RYR1: variants seen among roughly 807,000 people sequenced by gnomAD.
RYR1 encodes the protein central core disease of muscle.
A neutral mutation model predicts 583.5 loss-of-function variants in RYR1; 342 were observed. The ratio of observed to expected loss-of-function variants is 0.59; its 90% confidence interval spans 0.54 to 0.64. The LOEUF is 0.64. RYR1 is among the 30% of genes least tolerant of loss of function. The pLI, the probability that RYR1 is intolerant of heterozygous loss-of-function variation, is 0.00. For synonymous variants in RYR1, 2,791 were observed against 2,822.5 expected, an observed-to-expected ratio of 0.99 and a Z score of 0.35; for missense variants, 6,032 against 6,917.2, an observed-to-expected ratio of 0.87 and a Z score of 4.54.
At position 38,506,491 on chromosome 19, in the gene RYR1, A is replaced by G; in HGVS notation, c.8637A>G (p.Ala2879=). 1 of 1,614,112 alleles carries G rather than the reference A, an allele frequency of 6.2e-7. No homozygotes were observed. Among genetic ancestry groups the G allele is most frequent in the South Asian group, 1.1e-5 (1 of 91,082 alleles). ...RELQAMAEQL[A]ENYHNTWGRK... Reference sequence around the variant, plus strand: ...CCCAGGCCATGGCAGAACAACTGGCAGAAAATTACCACAACACGTGGGGAC... The same window carrying G: ...CCCAGGCCATGGCAGAACAACTGGCGGAAAATTACCACAACACGTGGGGAC... Residue 2879 remains alanine, a synonymous_variant, in exon 56 of 106, where the codon GCA becomes GCG. Coordinates refer to ENST00000359596, the MANE Select transcript of RYR1 (RefSeq NM_000540.3).
intron 7 of RYR1, 91 bp from the exon 8 acceptor site, chr19:38,446,381 G>C: frequency 1.0e-6 from 1 of 954,236 alleles, no homozygotes; most frequent in South Asian, 1.3e-5. Flanking sequence ...GGTTCCCCCA[G>C]GGGAGGAGCA....
At chr19:38,578,254 T>C in intron 99 of RYR1, 50 bp downstream of exon 99, 1 of 1,592,520 alleles carries the variant, frequency 6.3e-7, no homozygotes, top group Non-Finnish European at 8.6e-7. Flanking sequence ...GGTGGGGCGT[T>C]AGGAGGGTTC....
rs188176550 is a variant in RYR1 at position 38,517,471 on chromosome 19, G to A, written c.9798G>A (p.Met3266Ile). The part of the protein sequence containing the change: ...LAESGARYTE[M>I]PHVIEITLPM... ...AGTCAGGTGCCCGCTACACAGAGAT[G>A]CCGCATGTCATCGAGATCACGCTGC... is the stretch of plus-strand genomic sequence containing the variant. Residue 3266 changes from methionine (M) to isoleucine (I), a missense_variant, in exon 66 of 106, where the codon ATG (methionine) becomes ATA (isoleucine). By Grantham distance (10) the Met-to-Ile change is conservative. Around this residue, in one of 11 missense-constraint regions of RYR1, gnomAD observed 1,493 missense variants for 1,715.5 expected, o/e 0.87. Coordinates refer to ENST00000359596, the MANE Select transcript of RYR1 (RefSeq NM_000540.3). 2 of 1,614,116 alleles carry A rather than the reference G, an allele frequency of 1.2e-6. No homozygotes were observed. Among genetic ancestry groups the A allele is most frequent in the East Asian group, 4.5e-5 (2 of 44,880 alleles).
At chr19:38,471,878 G>A (rs2145476087) in intron 27 of RYR1, among the ~76,000 whole-genome samples, 1 of 148,240 alleles carries the variant, frequency 6.7e-6, no homozygotes, top group Admixed American at 6.7e-5. Flanking sequence ...CTCCAGCCTG[G>A]GTGACAGCGA....
intron 78 of RYR1, among the ~76,000 whole-genome samples, chr19:38,534,214 T>A (rs1050057491): frequency 6.6e-5 from 10 of 151,968 alleles, no homozygotes; most frequent in Non-Finnish European, 1.0e-4. Flanking sequence ...GGTTTCACTG[T>A]GTTAGCCAGG....
chr19:38,500,903 G>A lies in RYR1; in HGVS notation c.7527G>A (p.Val2509=), dbSNP rs2071088. 156,847 of 1,614,000 alleles carry A rather than the reference G, an allele frequency of 0.097. 8,841 individuals carry two copies. Among genetic ancestry groups the A allele is most frequent in the South Asian group, 0.22 (20,166 of 91,074 alleles). The change falls in exon 47 of 106, where the codon GTG becomes GTA. Residue 2509 remains valine (V), a synonymous_variant. Transcript: ENST00000359596. This position sits in a 1 kb window ranked among gnomAD's most constrained non-coding sequence, Gnocchi z 5.9. ...CCATGGTGCTCTTCCTGGACCGTGT[G>A]TATGGCATCGAGAACCAGGACTTCT... ...KASMVLFLDR[V]YGIENQDFLL...
intron 11 of RYR1, among the ~76,000 whole-genome samples, chr19:38,449,715 G>C (rs573471368): frequency 6.6e-6 from 1 of 152,316 alleles, no homozygotes; most frequent in East Asian, 1.9e-4. Flanking sequence ...TTTGGCAGCA[G>C]GAACAGCATG....
In RYR1 at chr19:38,587,558, C is replaced by G; in HGVS notation, c.*138C>G. On this transcript the variant is annotated 3_prime_UTR_variant, in exon 106 of 106. Transcript: ENST00000359596. ...TGGAAAATAAATCTGTGCTACGCCC[C>G]CCAGCATCACTGTGTTGGCCTGCTG... is the stretch of plus-strand genomic sequence containing the variant. 2.6e-6 allele frequency: 2 copies of G among 772,508 alleles called. No homozygotes were observed. Among genetic ancestry groups the G allele is most frequent in the East Asian group, 2.6e-5 (1 of 37,944 alleles). The allele number at this position is 772,508 out of a possible 1,614,324, so 47.9% of individuals were successfully genotyped here.
chr19:38,450,964 ACT>A (rs1967045435), intron 11 of RYR1, among the ~76,000 whole-genome samples: 1 of 151,932 alleles, frequency 6.6e-6, no homozygotes, highest in African/African-American at 2.4e-5. Flanking sequence ...TCTGCCGAGG[ACT>A]CTGTTGCCCT....
intron 28 of RYR1, among the ~76,000 whole-genome samples, chr19:38,475,047 G>A (rs1968644786): frequency 1.3e-5 from 2 of 152,184 alleles, no homozygotes; most frequent in East Asian, 3.9e-4. Context: ...TGTGGGAAAT[G>A]CTGACTTAGG....
chr19:38,434,687 G>A (rs898153369), intron 1 of RYR1, among the ~76,000 whole-genome samples: 1 of 152,158 alleles, frequency 6.6e-6, no homozygotes, highest in Non-Finnish European at 1.5e-5. Context: ...AGGGGATGGG[G>A]AGGGGATGAG....
chr19:38,506,172 G>A, intron 54 of RYR1, 131 bp from the exon 55 acceptor site: 2 of 1,067,902 alleles, frequency 1.9e-6, no homozygotes, highest in Non-Finnish European at 2.8e-6. Context: ...GGGCCTTAAG[G>A]AAAGGACAAG....
rs538252254 is a variant in RYR1, at chr19:38,586,660, T to C, written c.15021+84T>C. On this transcript the variant is annotated intron_variant, in intron 105 of 105. Transcript: ENST00000359596. ...CAGTCAGTAGGTGGCAGTAAAAAGC[T>C]CCTATCAATATCAAGGGTTAGGGCT... The C allele has an allele frequency of 2.3e-4, 301 of 1,319,346 alleles. 2 individuals are homozygous for C. The South Asian group carries it at 3.2e-3, about 14-fold the overall frequency. 81.7% of individuals were successfully genotyped at this position (1,319,346 alleles called of 1,614,324 possible). A position where few individuals can be genotyped will look rare whatever the true frequency, so the allele number is the denominator to read the frequency against.
At position 38,489,158 on chromosome 19, in the gene RYR1, C is replaced by A; in HGVS notation, c.5548-19C>A. On this transcript the variant is annotated intron_variant, in intron 34 of 105. Coordinates refer to ENST00000359596, the MANE Select transcript of RYR1 (RefSeq NM_000540.3). ...AGGCCTTGCAGGCCACAGTGAAGAA[C>A]CGAGACTTTGTCCTGTAGGTGATGG... The A allele has an allele frequency of 1.9e-6, 3 of 1,613,788 alleles. No individual in the cohort carries two copies. Among genetic ancestry groups the A allele is most frequent in the South Asian group, 1.1e-5 (1 of 91,072 alleles).
intron 71 of RYR1, among the ~76,000 whole-genome samples, chr19:38,526,194 G>T (rs2145715020): frequency 6.6e-6 from 1 of 152,012 alleles, no homozygotes; most frequent in Middle Eastern, 3.4e-3. Flanking sequence ...TCTTAAGCTT[G>T]CTGGGATATC....
At chr19:38,456,862 C>CAT (rs1400932906) in intron 16 of RYR1, among the ~76,000 whole-genome samples, 62 of 151,038 alleles carry the variant, frequency 4.1e-4, no homozygotes, top group Non-Finnish European at 6.6e-4. Flanking sequence ...CTGGCTAATG[C>CAT]GGTGAAACCC....
chr19:38,433,816 C>A lies in RYR1; in HGVS notation c.-14C>A. 1 of 1,434,358 alleles carries A rather than the reference C, an allele frequency of 7.0e-7. No individual in the cohort carries two copies. Among genetic ancestry groups the A allele is most frequent in the East Asian group, 3.5e-5 (1 of 28,318 alleles). 88.9% of individuals were successfully genotyped at this position (1,434,358 alleles called of 1,614,324 possible). On this transcript the variant is annotated 5_prime_UTR_variant, in exon 1 of 106. Transcript: ENST00000359596. ...TTCCCCGACCTCAGACCCTGGGCTTCCGACCTCGACATCATGGGTGACGCA... is the reference window on the plus strand; with the variant it reads ...TTCCCCGACCTCAGACCCTGGGCTTACGACCTCGACATCATGGGTGACGCA...
chr19:38,573,209 G>T lies in RYR1; in HGVS notation c.14031G>T (p.Glu4677Asp). Residue 4677 changes from glutamate (E) to aspartate (D), a missense_variant, in exon 96 of 106, where the codon GAG (glutamate) becomes GAT (aspartate). By Grantham distance (45) the Glu-to-Asp change is conservative. Transcript: ENST00000359596. Reference protein sequence around the residue: ...VPLVIFKREKELARKLEFDGL... With the variant: ...VPLVIFKREKDLARKLEFDGL... ...TGGTAATCTTTAAGCGGGAGAAGGA[G>T]CTGGCCCGGAAGCTGGAGTTTGATG... 6.2e-7 allele frequency: 1 copy of T among 1,614,036 alleles called. No individual in the cohort carries two copies. Among genetic ancestry groups the T allele is most frequent in the Non-Finnish European group, 8.5e-7 (1 of 1,179,948 alleles).
At chr19:38,529,876 A>G (rs1467327916) in intron 76 of RYR1, among the ~76,000 whole-genome samples, 4 of 152,162 alleles carry the variant, frequency 2.6e-5, no homozygotes, top group Non-Finnish European at 4.4e-5. Context: ...GGGGATATCT[A>G]TATCCTCTCA....
Sources: gnomAD v4.1 joint callset for allele counts (sites outside exome capture counted in the v4.1 genomes callset) on GRCh38, gnomAD v4.1.1 for gene constraint, gnomAD v4.1.1 regional missense constraint, Gnocchi (gnomAD v3.1) non-coding constraint, MANE v1.5 for transcripts, NCBI Gene and HGNC (gene_info 2026-07-23, HGNC 2026-07-21) for gene names.